PNPO: variants seen among roughly 807,000 people sequenced by gnomAD.
PNPO encodes the protein pyridoxine-5'-phosphate oxidase.
PNPO carries 39 observed loss-of-function variants against 35.0 expected under a neutral mutation model. The observed-to-expected ratio is 1.11, with a 90% CI of 0.86 to 1.45. PNPO has a LOEUF of 1.45. PNPO is among the 40% of genes most tolerant of loss of function. The probability of loss-of-function intolerance (pLI) is 0.00; values close to 1 mark genes in which losing one functional copy is unlikely to be tolerated. For missense variants in PNPO, 288 were observed against 340.0 expected, an observed-to-expected ratio of 0.85 and a Z score of 1.20; for synonymous variants, 115 against 119.8, an observed-to-expected ratio of 0.96 and a Z score of 0.26.
At chr17:47,944,435 C>A (rs1050344307) in intron 2 of PNPO, among the ~76,000 whole-genome samples, 181 bp from the exon 3 acceptor site, 1 of 152,036 alleles carries the variant, frequency 6.6e-6, no homozygotes, top group African/African-American at 2.4e-5. Context: ...CATAACAGGG[C>A]CCCAGGCTGT....
At chr17:47,944,395 C>A (rs1434052264) in intron 2 of PNPO, among the ~76,000 whole-genome samples, 1 of 152,120 alleles carries the variant, frequency 6.6e-6, no homozygotes, top group East Asian at 1.9e-4. Context: ...AAGGCTTTAA[C>A]ATAGGGGTTT....
rs1307303135 is a variant in PNPO at position 47,945,519 on chromosome 17, C to T, written c.364-40C>T. 1 of 1,573,530 alleles carries T rather than the reference C, an allele frequency of 6.4e-7. No individual in the cohort carries two copies. The highest frequency in any genetic ancestry group is 8.7e-7 in the Non-Finnish European group (1 of 1,143,136). Reference sequence around the variant, plus strand: ...CCTGCATGCCGGAGGCCTCCTCTCCCTGTCCTGATGGCTGGCTGTGGATTC... The same window carrying T: ...CCTGCATGCCGGAGGCCTCCTCTCCTTGTCCTGATGGCTGGCTGTGGATTC... On this transcript the variant is annotated intron_variant, in intron 3 of 6. Transcript: ENST00000642017. This position sits in a 1 kb window ranked among gnomAD's most constrained non-coding sequence, Gnocchi z 4.0.
Position 47,947,915 on chromosome 17 carries a change from T to A in PNPO, c.*1133T>A, listed in dbSNP as rs997056208. The A allele has an allele frequency of 6.6e-6, 1 of 152,256 alleles. No individual in the cohort carries two copies. 9.4% of individuals were successfully genotyped at this position (152,256 alleles called of 1,614,324 possible). On this transcript the variant is annotated 3_prime_UTR_variant, in exon 7 of 7. Coordinates refer to ENST00000642017, the MANE Select transcript of PNPO (RefSeq NM_018129.4). Reference sequence around the variant, plus strand: ...CCTTGGCCTCCCAAAGTGCTGGGATTACAGACATGAGCCACCACGCTTGGC... The same window carrying A: ...CCTTGGCCTCCCAAAGTGCTGGGATAACAGACATGAGCCACCACGCTTGGC...
In PNPO at chr17:47,947,439, T is replaced by A. The variant is rs1361080898; in HGVS notation, c.*657T>A. 2 of 151,636 alleles carry A rather than the reference T, an allele frequency of 1.3e-5. No homozygotes were observed. The highest frequency in any genetic ancestry group is 2.9e-5 in the Non-Finnish European group (2 of 67,946). The allele number at this position is 151,636 out of a possible 1,614,324, so 9.4% of individuals were successfully genotyped here. On this transcript the variant is annotated 3_prime_UTR_variant, in exon 7 of 7. Coordinates refer to ENST00000642017, the MANE Select transcript of PNPO (RefSeq NM_018129.4). ...TCTCTCTCTCTCTTTTTTTTTTTTT[T>A]ACTTAATCTAGCTAGAATCTATTTC...
Position 47,945,765 on chromosome 17 carries a change from G to T in PNPO, c.418-96G>T. On this transcript the variant is annotated intron_variant, in intron 4 of 6. Transcript: ENST00000642017. The surrounding 1 kb of genome is among the most constrained non-coding windows in gnomAD (Gnocchi z 4.0). ...CCTCAGTTAGTTGGAGCCAAGAGTG[G>T]TGGGGCAGCCGATCGAACAGAGAGG... The T allele has an allele frequency of 1.3e-6, 2 of 1,529,984 alleles. No individual in the cohort carries two copies. The highest frequency in any genetic ancestry group is 1.8e-6 in the Non-Finnish European group (2 of 1,114,926). The allele number at this position is 1,529,984 out of a possible 1,614,324, so 94.8% of individuals were successfully genotyped here.
chr17:47,941,936 G>A, intron 1 of PNPO, 123 bp downstream of exon 1: 2 of 1,368,078 alleles, frequency 1.5e-6, no homozygotes, highest in East Asian at 2.8e-5. Context: ...GGTGGGGCAA[G>A]GAGGTTTGAG....
At position 47,948,786 on chromosome 17, in the gene PNPO, C is replaced by G. The variant is rs970925711; in HGVS notation, c.*2004C>G. The G allele has an allele frequency of 1.3e-5, 2 of 152,262 alleles. No individual in the cohort carries two copies. Among genetic ancestry groups the G allele is most frequent in the African/African-American group, 4.8e-5 (2 of 41,432 alleles). The allele number at this position is 152,262 out of a possible 1,614,324, so 9.4% of individuals were successfully genotyped here. A position where few individuals can be genotyped will look rare whatever the true frequency, so the allele number is the denominator to read the frequency against. On this transcript the variant is annotated 3_prime_UTR_variant, in exon 7 of 7. Coordinates refer to ENST00000642017, the MANE Select transcript of PNPO (RefSeq NM_018129.4). Reference sequence around the variant, plus strand: ...TGTTTGTTCTCCTTGAGCACATGCCCGCTAACCAGGGACAGACTGGATGAG... The same window carrying G: ...TGTTTGTTCTCCTTGAGCACATGCCGGCTAACCAGGGACAGACTGGATGAG...
intron 2 of PNPO, 121 bp from the exon 3 acceptor site, chr17:47,944,495 C>T (rs903839125): frequency 1.2e-6 from 1 of 817,438 alleles, no homozygotes. Context: ...GACGGGGTAG[C>T]CTGACAGCCC....
rs1184781315 is a variant in PNPO, at chr17:47,948,091, G to C, written c.*1309G>C. On this transcript the variant is annotated 3_prime_UTR_variant, in exon 7 of 7. Coordinates refer to ENST00000642017, the MANE Select transcript of PNPO (RefSeq NM_018129.4). ...CAAACAATCACACCTGCCTGAGAAG[G>C]AGTGGGCTGTCACTAGGAATTTTTA... The C allele has an allele frequency of 1.3e-5, 2 of 152,176 alleles. No homozygotes were observed. Among genetic ancestry groups the C allele is most frequent in the African/African-American group, 4.8e-5 (2 of 41,440 alleles). The allele number at this position is 152,176 out of a possible 1,614,324, so 9.4% of individuals were successfully genotyped here.
chr17:47,946,136 G>A, intron 5 of PNPO, 147 bp downstream of exon 5: 1 of 1,176,538 alleles, frequency 8.5e-7, no homozygotes, highest in East Asian at 2.4e-5. Flanking sequence ...AGTGAGAAGG[G>A]AAAGTGGGGG....
At position 47,943,399 on chromosome 17, in the gene PNPO, G is replaced by A. The variant is rs745625617; in HGVS notation, c.232G>A (p.Ala78Thr). The change falls in exon 2 of 7, where the codon GCC becomes ACC. Residue 78 changes from alanine (A) to threonine (T), a missense_variant. Ala to Thr is a moderately conservative substitution (Grantham distance 58). Coordinates refer to ENST00000642017, the MANE Select transcript of PNPO (RefSeq NM_018129.4). ...EAVQCPDIGE[A>T]NAMCLATCTR... ...TGTTCAGTGTCCTGACATAGGGGAA[G>A]CCAATGCCATGTGTCTGGCTACCTG... The A allele has an allele frequency of 6.2e-7, 1 of 1,613,946 alleles. No homozygotes were observed. Among genetic ancestry groups the A allele is most frequent in the Non-Finnish European group, 8.5e-7 (1 of 1,179,856 alleles).
Position 47,945,267 on chromosome 17 carries a change from A to G in PNPO, c.364-292A>G. ...CTCCCTGAGTCCATGCCAGCCAAGC[A>G]TGCATTTCTCAAGACTCACAAATCT... On this transcript the variant is annotated intron_variant, in intron 3 of 6. Transcript: ENST00000642017. This position sits in a 1 kb window ranked among gnomAD's most constrained non-coding sequence, Gnocchi z 4.0. 2.2e-6 allele frequency: 1 copy of G among 456,082 alleles called. No individual in the cohort carries two copies. Among genetic ancestry groups the G allele is most frequent in the Non-Finnish European group, 4.1e-6 (1 of 245,954 alleles). 28.3% of individuals were successfully genotyped at this position (456,082 alleles called of 1,614,324 possible).
intron 3 of PNPO, chr17:47,944,956 C>A: frequency 1.7e-6 from 1 of 576,648 alleles, no homozygotes. Context: ...CACATGTTAC[C>A]TCCTCAGGAA....
In PNPO at chr17:47,944,730, C is replaced by G. The variant is rs2035986715; in HGVS notation, c.363+15C>G. 6.3e-7 allele frequency: 1 copy of G among 1,597,074 alleles called. No individual in the cohort carries two copies. The highest frequency in any genetic ancestry group is 1.3e-5 in the African/African-American group (1 of 74,700). ...GAAAAGAGCTGGTGGGTGAAAAGAGCTAGTAATCTTTCCCAGGGCCTGCAG... is the reference window on the plus strand; with the variant it reads ...GAAAAGAGCTGGTGGGTGAAAAGAGGTAGTAATCTTTCCCAGGGCCTGCAG... On this transcript the variant is annotated intron_variant, in intron 3 of 6. Coordinates refer to ENST00000642017, the MANE Select transcript of PNPO (RefSeq NM_018129.4).
intron 1 of PNPO, among the ~76,000 whole-genome samples, chr17:47,942,638 G>A (rs2144158685): frequency 6.6e-6 from 1 of 152,344 alleles, no homozygotes. Context: ...GGAACCAAGA[G>A]AACCTTTTAG....
chr17:47,944,581 G>C lies in PNPO; in HGVS notation c.264-35G>C, dbSNP rs751571539. On this transcript the variant is annotated intron_variant, in intron 2 of 6. Transcript: ENST00000642017. ...GGACTATAGCCAGAACATTGAAGCA[G>C]ACTCTGACCACAGTGCTCTGCTCTT... 3.9e-6 allele frequency: 6 copies of C among 1,520,030 alleles called. No homozygotes were observed. The Admixed American group carries it at 1.0e-4, about 25-fold the overall frequency. 94.2% of individuals were successfully genotyped at this position (1,520,030 alleles called of 1,614,324 possible).
chr17:47,941,579 C>T lies in PNPO; in HGVS notation c.-97C>T, dbSNP rs2144155226. 1.4e-6 allele frequency: 2 copies of T among 1,416,820 alleles called. No homozygotes were observed. The highest frequency in any genetic ancestry group is 1.9e-6 in the Non-Finnish European group (2 of 1,078,186). The allele number at this position is 1,416,820 out of a possible 1,614,324, so 87.8% of individuals were successfully genotyped here. Reference sequence around the variant, plus strand: ...TTGGTTGGGCGACTGGCAAATCCTTCCTTCCCCGGGGTAGAAGTCCAGGGT... The same window carrying T: ...TTGGTTGGGCGACTGGCAAATCCTTTCTTCCCCGGGGTAGAAGTCCAGGGT... On this transcript the variant is annotated 5_prime_UTR_variant, in exon 1 of 7. Transcript: ENST00000642017.
chr17:47,942,598 A>C (rs1465352536), intron 1 of PNPO, among the ~76,000 whole-genome samples: 1 of 152,156 alleles, frequency 6.6e-6, no homozygotes, highest in Non-Finnish European at 1.5e-5. Flanking sequence ...GACCACTGGG[A>C]AGTTCTTTTC....
rs1226575956 is a variant in PNPO at position 47,945,288 on chromosome 17, A to G, written c.364-271A>G. 2 of 483,698 alleles carry G rather than the reference A, an allele frequency of 4.1e-6. No homozygotes were observed. The highest frequency in any genetic ancestry group is 3.9e-5 in the African/African-American group (2 of 50,950). The allele number at this position is 483,698 out of a possible 1,614,324, so 30.0% of individuals were successfully genotyped here. A position where few individuals can be genotyped will look rare whatever the true frequency, so the allele number is the denominator to read the frequency against. On this transcript the variant is annotated intron_variant, in intron 3 of 6. Coordinates refer to ENST00000642017, the MANE Select transcript of PNPO (RefSeq NM_018129.4). This position sits in a 1 kb window ranked among gnomAD's most constrained non-coding sequence, Gnocchi z 4.0. The stretch of plus-strand genomic sequence containing the variant: ...AAGCATGCATTTCTCAAGACTCACA[A>G]ATCTGTGGGTGAGAGAAATCACCCA...
Sources: gnomAD v4.1 joint callset for allele counts (sites outside exome capture counted in the v4.1 genomes callset) on GRCh38, gnomAD v4.1.1 for gene constraint, Gnocchi (gnomAD v3.1) non-coding constraint, MANE v1.5 for transcripts, NCBI Gene and HGNC (gene_info 2026-07-23, HGNC 2026-07-21) for gene names.